The following DLGAP2 variants were observed in gnomAD, a reference collection of about 807,000 sequenced individuals.
The protein encoded by DLGAP2 is DLG associated protein 2, also known as disks large-associated protein 2.
DLGAP2 carries 26 observed loss-of-function variants against 100.3 expected under a neutral mutation model. The observed-to-expected ratio is 0.26, with a 90% CI of 0.19 to 0.36. DLGAP2 has a LOEUF of 0.36. Among genes scored for constraint, DLGAP2 ranks in the 10% least tolerant of loss-of-function variants. The pLI is 1.00. For synonymous variants in DLGAP2, 886 were observed against 630.1 expected (o/e 1.41, Z -6.08); for missense variants, 1,858 against 1,453.2 (o/e 1.28, Z -4.53).
At chr8:1,360,488 C>T (rs1338918115) in intron 3 of DLGAP2, among the ~76,000 whole-genome samples, 1 of 152,012 alleles carries the variant, frequency 6.6e-6, no homozygotes, top group African/African-American at 2.4e-5. Context: ...TGCCCCACTG[C>T]ATGCGGACGT....
intron 2 of DLGAP2, among the ~76,000 whole-genome samples, chr8:1,163,049 G>A (rs936064477): frequency 6.6e-6 from 1 of 152,132 alleles, no homozygotes; most frequent in East Asian, 1.9e-4. Context: ...GTGAGGCCCT[G>A]GAGTGTGAAC....
At chr8:1,579,036 A>T (rs1803113508) in intron 6 of DLGAP2, among the ~76,000 whole-genome samples, 1 of 152,362 alleles carries the variant, frequency 6.6e-6, no homozygotes, top group African/African-American at 2.4e-5. Context: ...GGACTTGCTT[A>T]TATATTAACA....
rs1296710173 is a variant in DLGAP2, at chr8:1,017,520, C to G, written c.73+109554C>G. On this transcript the variant is annotated intron_variant, in intron 2 of 14. Transcript: ENST00000637795. ...ACTGTGTGTGTGACCAGGACAGACG[C>G]CTCCACTGTGTGTGACCAGGACAGA... Among the ~76,000 whole-genome samples the G allele has an allele frequency of 2.0e-4, 22 of 110,164 alleles. 1 individual carries two copies. The highest frequency in any genetic ancestry group is 6.6e-4 in the Admixed American group (7 of 10,656). The allele number at this position is 110,164 out of a possible 152,430, so 72.3% of individuals were successfully genotyped here. A position where few individuals can be genotyped will look rare whatever the true frequency, so the allele number is the denominator to read the frequency against.
Position 1,701,372 on chromosome 8 carries a change from A to C in DLGAP2, c.3134A>C (p.Glu1045Ala), listed in dbSNP as rs775072383. The change falls in exon 15 of 15, where the codon GAG (glutamate) becomes GCG (alanine). Residue 1045 changes from glutamate (E) to alanine (A), a missense_variant. Physicochemically the swap from Glu to Ala is moderately radical, Grantham distance 107. Coordinates refer to ENST00000637795, the MANE Select transcript of DLGAP2 (RefSeq NM_001346810.2). ...NSASERADSI[E>A]IYIPEAQTRL ...GCCTCCGAGCGCGCGGACAGCATCG[A>C]GATCTACATCCCCGAGGCCCAGACC... 1 of 1,598,408 alleles carries C rather than the reference A, an allele frequency of 6.3e-7. No individual in the cohort carries two copies. The highest frequency in any genetic ancestry group is 8.5e-7 in the Non-Finnish European group (1 of 1,173,368).
chr8:1,376,086 ATTTGGGTTAACGACACCTCTCCACGACC>A (rs1290839772), intron 3 of DLGAP2, among the ~76,000 whole-genome samples: 1 of 129,082 alleles, frequency 7.7e-6, no homozygotes, highest in Non-Finnish European at 1.7e-5. Flanking sequence ...CACCTCCTAC[ATTTGGGTTAACGACACCTCTCCACGACC>A]TCAGAACTGA....
At chr8:1,679,874 G>C (rs779599476) in intron 12 of DLGAP2, among the ~76,000 whole-genome samples, 3 of 151,554 alleles carry the variant, frequency 2.0e-5, no homozygotes, top group African/African-American at 4.9e-5. Flanking sequence ...TAGCTATTTG[G>C]GAGGCTGAGG....
chr8:1,689,384 T>C (rs533986270), intron 12 of DLGAP2, among the ~76,000 whole-genome samples: 17 of 152,298 alleles, frequency 1.1e-4, no homozygotes, highest in Non-Finnish European at 2.2e-4. Flanking sequence ...CACATCGGTA[T>C]TCCCTTGTGA....
chr8:1,161,502 G>A (rs189561160), intron 2 of DLGAP2, among the ~76,000 whole-genome samples: 68 of 152,330 alleles, frequency 4.5e-4, no homozygotes, highest in Non-Finnish European at 6.9e-4. Flanking sequence ...CTGTTGGGAT[G>A]TGTGGGGGCC....
At chr8:1,357,979 G>T (rs188406585) in intron 3 of DLGAP2, among the ~76,000 whole-genome samples, 1 of 152,180 alleles carries the variant, frequency 6.6e-6, no homozygotes, top group Admixed American at 6.5e-5. Context: ...AGACCCAATC[G>T]ACTTAGAGAG....
intron 2 of DLGAP2, among the ~76,000 whole-genome samples, chr8:1,072,967 T>G (rs949761020): frequency 6.6e-6 from 1 of 152,280 alleles, no homozygotes; most frequent in East Asian, 1.9e-4. Flanking sequence ...TGTGACACAT[T>G]AGGATTTTTA....
chr8:1,279,045 C>T (rs1799763115), intron 3 of DLGAP2, among the ~76,000 whole-genome samples: 1 of 152,162 alleles, frequency 6.6e-6, no homozygotes, highest in African/African-American at 2.4e-5. Flanking sequence ...GCTATACTCA[C>T]CCCAGGGGGT....
intron 2 of DLGAP2, among the ~76,000 whole-genome samples, chr8:979,164 A>G (rs1410465700): frequency 6.6e-6 from 1 of 152,218 alleles, no homozygotes; most frequent in Non-Finnish European, 1.5e-5. Flanking sequence ...AAGATTCTTC[A>G]AAAGCAATCA....
chr8:1,523,790 A>T (rs545620634), intron 4 of DLGAP2, among the ~76,000 whole-genome samples: 3 of 152,222 alleles, frequency 2.0e-5, no homozygotes, highest in African/African-American at 7.2e-5. Context: ...AGGGCCATCC[A>T]TGGTGGCCTC....
chr8:765,354 T>C (rs1239962012), intron 1 of DLGAP2, among the ~76,000 whole-genome samples: 2 of 152,240 alleles, frequency 1.3e-5, no homozygotes, highest in Non-Finnish European at 2.9e-5. Flanking sequence ...GGTAGTTTTT[T>C]AATAATATCC....
intron 4 of DLGAP2, among the ~76,000 whole-genome samples, chr8:1,547,519 GA>G (rs1801582537): frequency 6.6e-6 from 1 of 152,124 alleles, no homozygotes. Flanking sequence ...ATGTGGGGTT[GA>G]GGGGGGCCTG....
At chr8:1,311,134 GACAAT>G (rs1800604669) in intron 3 of DLGAP2, among the ~76,000 whole-genome samples, 1 of 151,730 alleles carries the variant, frequency 6.6e-6, no homozygotes. Context: ...AAGGATTTAA[GACAAT>G]ACTATGAACA....
At chr8:828,801 C>T (rs1796729434) in intron 1 of DLGAP2, among the ~76,000 whole-genome samples, 1 of 152,170 alleles carries the variant, frequency 6.6e-6, no homozygotes, top group Admixed American at 6.5e-5. Flanking sequence ...AATGAATGTC[C>T]ATAAAATCTT....
At chr8:1,527,515 C>G (rs1263265248) in intron 4 of DLGAP2, among the ~76,000 whole-genome samples, 1 of 152,254 alleles carries the variant, frequency 6.6e-6, no homozygotes, top group African/African-American at 2.4e-5. Flanking sequence ...TAATTGGGAT[C>G]AGCACAGATT....
At chr8:823,787 G>C (rs1291222422) in intron 1 of DLGAP2, among the ~76,000 whole-genome samples, 3 of 152,222 alleles carry the variant, frequency 2.0e-5, no homozygotes, top group African/African-American at 7.2e-5. Flanking sequence ...CAGAAGTGCA[G>C]GGAGGCCATT....
Sources: gnomAD v4.1 joint callset for allele counts (sites outside exome capture counted in the v4.1 genomes callset) on GRCh38, gnomAD v4.1.1 for gene constraint, MANE v1.5 for transcripts, NCBI Gene and HGNC (gene_info 2026-07-23, HGNC 2026-07-21) for gene names.